The following LGR5 variants were observed in gnomAD, a reference collection of about 807,000 sequenced individuals.
LGR5 encodes the protein leucine-rich repeat-containing G protein-coupled receptor 5.
Under a neutral mutation model 76.7 loss-of-function variants are expected in LGR5, and 54 were observed. That is an observed-to-expected ratio of 0.70 (90% CI 0.57 to 0.88). LGR5 has a LOEUF of 0.88. Ranked by LOEUF, LGR5 falls within the 40% of genes least tolerant of loss-of-function variation. LGR5 has a pLI of 0.00. For synonymous variants in LGR5, 406 were observed against 421.9 expected, an observed-to-expected ratio of 0.96 and a Z score of 0.46; for missense variants, 1,078 against 1,073.3, an observed-to-expected ratio of 1.00 and a Z score of -0.06.
chr12:71,529,044 ATGCTCAATTGTGAG>A (rs1876162820), intron 3 of LGR5, among the ~76,000 whole-genome samples: 1 of 152,220 alleles, frequency 6.6e-6, no homozygotes, highest in African/African-American at 2.4e-5. Context: ...GAGAATATTC[ATGCTCAATTGTGAG>A]TGTCACACTT....
chr12:71,575,758 G>A (rs1204705348), intron 13 of LGR5, among the ~76,000 whole-genome samples: 2 of 145,904 alleles, frequency 1.4e-5, no homozygotes, highest in Non-Finnish European at 3.0e-5. Context: ...GTGTGTGTGT[G>A]TATCATTCTA....
intron 1 of LGR5, among the ~76,000 whole-genome samples, chr12:71,473,520 T>A (rs1873190272): frequency 6.6e-6 from 1 of 152,018 alleles, no homozygotes; most frequent in African/African-American, 2.4e-5. Context: ...ATGCCTCTAA[T>A]CCCAGCACTT....
chr12:71,575,043 G>T (rs951975781), intron 13 of LGR5, among the ~76,000 whole-genome samples: 2 of 152,046 alleles, frequency 1.3e-5, no homozygotes, highest in African/African-American at 4.8e-5. Context: ...ACAAGATCAG[G>T]GACTGTGAAG....
rs574802898 is a variant in LGR5 at position 71,477,461 on chromosome 12, G to C, written c.213-27153G>C. On this transcript the variant is annotated intron_variant, in intron 1 of 17. Transcript: ENST00000266674. ...TTTAATAATATAATATATATTATAT[G>C]TGATAATGTAATATATATGAAATAT... is the stretch of plus-strand genomic sequence containing the variant. 2.0e-5 allele frequency among the ~76,000 whole-genome samples: 3 copies of C among 148,862 alleles called. No individual in the cohort carries two copies. In the East Asian group the frequency reaches 5.9e-4, roughly 29 times the overall value.
chr12:71,509,974 A>G (rs7980212), intron 2 of LGR5, among the ~76,000 whole-genome samples: 14,058 of 152,218 alleles, frequency 0.092, 690 homozygotes, highest in Non-Finnish European at 0.11. Flanking sequence ...TCCTGAAAGC[A>G]TAATCTAGGC....
At chr12:71,496,808 T>C (rs1185441256) in intron 1 of LGR5, among the ~76,000 whole-genome samples, 2 of 152,030 alleles carry the variant, frequency 1.3e-5, no homozygotes, top group Non-Finnish European at 2.9e-5. Flanking sequence ...ACAAATATAA[T>C]GAGTGAAGAA....
chr12:71,465,587 A>G (rs1050651517), intron 1 of LGR5, among the ~76,000 whole-genome samples: 3 of 152,172 alleles, frequency 2.0e-5, no homozygotes, highest in Admixed American at 6.5e-5. Flanking sequence ...ACAGCCTCAG[A>G]ATACTACCAT....
At chr12:71,479,780 G>A (rs1873503430) in intron 1 of LGR5, among the ~76,000 whole-genome samples, 1 of 152,096 alleles carries the variant, frequency 6.6e-6, no homozygotes, top group Admixed American at 6.5e-5. Context: ...GGCTTGGGGT[G>A]TAGGAGGAAC....
chr12:71,578,654 C>A, intron 14 of LGR5, 150 bp from the exon 15 acceptor site: 1 of 670,338 alleles, frequency 1.5e-6, no homozygotes, highest in Non-Finnish European at 2.4e-6. Flanking sequence ...AAGAGCTAAA[C>A]CAAAATGGTT....
rs182765132 is a variant in LGR5, at chr12:71,527,051, A to T, written c.356+2574A>T. 2.6e-5 allele frequency among the ~76,000 whole-genome samples: 4 copies of T among 152,214 alleles called. No homozygotes were observed. The East Asian group carries it at 7.8e-4, about 30-fold the overall frequency. ...CATATGTTAAGTCACATGGGTGGAC[A>T]TTATGAGGAGGCATGATGAGGAGTC... On this transcript the variant is annotated intron_variant, in intron 3 of 17. Coordinates refer to ENST00000266674, the MANE Select transcript of LGR5 (RefSeq NM_003667.4).
chr12:71,482,411 G>T (rs1367378010), intron 1 of LGR5, among the ~76,000 whole-genome samples: 2 of 152,056 alleles, frequency 1.3e-5, no homozygotes, highest in Middle Eastern at 6.8e-3. Context: ...TCTTCTCTTT[G>T]TGTCTCCACA....
intron 1 of LGR5, among the ~76,000 whole-genome samples, chr12:71,457,570 A>C (rs1167998433): frequency 6.6e-6 from 1 of 152,152 alleles, no homozygotes; most frequent in East Asian, 1.9e-4. Context: ...ACTCCAGCTA[A>C]AGATAGTTTC....
In LGR5 at chr12:71,580,409, T is replaced by C; in HGVS notation, c.1538T>C (p.Met513Thr). The change falls in exon 16 of 18, where the codon ATG (methionine) becomes ACG (threonine). Residue 513 changes from methionine to threonine, a missense_variant. Met to Thr is a moderately conservative substitution (Grantham distance 81). Coordinates refer to ENST00000266674, the MANE Select transcript of LGR5 (RefSeq NM_003667.4). Reference protein sequence around the residue: ...MDDLHKKDAGMFQAQDERDLE... With the variant: ...MDDLHKKDAGTFQAQDERDLE... The stretch of plus-strand genomic sequence containing the variant: ...GACCTTCATAAGAAAGATGCTGGAA[T>C]GTTTCAGGCTCAAGGTAGGACTTGC... The C allele has an allele frequency of 6.2e-7, 1 of 1,613,350 alleles. No individual in the cohort carries two copies. Among genetic ancestry groups the C allele is most frequent in the African/African-American group, 1.3e-5 (1 of 75,018 alleles).
chr12:71,476,874 C>A (rs2137252724), intron 1 of LGR5, among the ~76,000 whole-genome samples: 1 of 152,254 alleles, frequency 6.6e-6, no homozygotes, highest in South Asian at 2.1e-4. Flanking sequence ...TATACCTAAA[C>A]AAGCAGATAT....
chr12:71,537,183 CAAAA>C (rs35199889), intron 4 of LGR5, among the ~76,000 whole-genome samples: 1 of 111,124 alleles, frequency 9.0e-6, no homozygotes, highest in Non-Finnish European at 1.9e-5. Flanking sequence ...TAAGAGTTGT[CAAAA>C]AAAAAAAAAA....
intron 2 of LGR5, among the ~76,000 whole-genome samples, chr12:71,519,753 G>A (rs529475470): frequency 9.6e-4 from 146 of 152,150 alleles, no homozygotes; most frequent in African/African-American, 3.0e-3. Context: ...TTGAGCTTGG[G>A]AGGCAAGGTT....
At chr12:71,540,854 G>A (rs1455442892) in intron 4 of LGR5, among the ~76,000 whole-genome samples, 1 of 152,096 alleles carries the variant, frequency 6.6e-6, no homozygotes, top group Non-Finnish European at 1.5e-5. Flanking sequence ...AAGATTAAAG[G>A]ATCAAAGGGG....
At chr12:71,487,079 C>T (rs1003946391) in intron 1 of LGR5, among the ~76,000 whole-genome samples, 2 of 152,032 alleles carry the variant, frequency 1.3e-5, no homozygotes, top group African/African-American at 2.4e-5. Context: ...ATGAACAACC[C>T]AGCATTATTG....
At chr12:71,477,358 G>A (rs372074353) in intron 1 of LGR5, among the ~76,000 whole-genome samples, 1 of 151,788 alleles carries the variant, frequency 6.6e-6, no homozygotes, top group African/African-American at 2.4e-5. Flanking sequence ...TGGAAAGGGT[G>A]GGACACGGAC....
Sources: allele counts gnomAD v4.1 joint callset (sites outside exome capture counted in the v4.1 genomes callset), GRCh38; gene constraint gnomAD v4.1.1; transcripts MANE v1.5; gene names NCBI Gene and HGNC (gene_info 2026-07-23, HGNC 2026-07-21).